Variants in ISLR2 observed in about 807,000 individuals in gnomAD.
ISLR2 encodes the protein immunoglobulin superfamily containing leucine-rich repeat protein 2.
Under a neutral mutation model 25.5 loss-of-function variants are expected in ISLR2, and 16 were observed. The ratio of observed to expected loss-of-function variants is 0.63; its 90% CI spans 0.43 to 0.95. ISLR2 has a LOEUF of 0.95. ISLR2 is among the 40% of genes least tolerant of loss of function. The probability of loss-of-function intolerance (pLI) is 0.00; values close to 1 mark genes in which losing one functional copy is unlikely to be tolerated. For synonymous variants in ISLR2, 508 were observed against 486.6 expected (o/e 1.04, Z -0.58); for missense variants, 883 against 1,030.7 (o/e 0.86, Z 1.96).
downstream of ISLR2, among the ~76,000 whole-genome samples, chr15:74,137,169 G>A (rs2072578511): frequency 6.6e-6 from 1 of 152,194 alleles, no homozygotes; most frequent in Non-Finnish European, 1.5e-5. Flanking sequence ...GTGTAGTGGG[G>A]TGTGGCTGTA....
rs1207301558 is a variant in ISLR2, at chr15:74,133,273, G to A, written c.519G>A (p.Leu173=). The change falls in exon 3 of 3, where the codon CTG becomes CTA. Residue 173 remains leucine, a synonymous_variant. Transcript: ENST00000453268. ...GCACCTTCGACGCGCTTAGCGCGCT[G>A]TCACACTTGCAACTCTATCACAATC... ...APGTFDALSA[L]SHLQLYHNPF... is the part of the protein sequence containing the mutation. 28 of 1,611,232 alleles carry A rather than the reference G, an allele frequency of 1.7e-5. No homozygotes were observed. Among genetic ancestry groups the A allele is most frequent in the Non-Finnish European group, 2.0e-5 (24 of 1,179,998 alleles).
intron 2 of ISLR2, among the ~76,000 whole-genome samples, chr15:74,110,654 C>T (rs906451923): frequency 7.9e-6 from 1 of 126,824 alleles, no homozygotes; most frequent in Non-Finnish European, 1.6e-5. Flanking sequence ...CCTGTCTCTA[C>T]TTAAAAAAAA....
Position 74,136,354 on chromosome 15 carries a change from T to G in ISLR2, c.*1362T>G, listed in dbSNP as rs2072565368. 1 of 164,982 alleles carries G rather than the reference T, an allele frequency of 6.1e-6. No individual in the cohort carries two copies. Among genetic ancestry groups the G allele is most frequent in the Admixed American group, 6.5e-5 (1 of 15,288 alleles). The allele number at this position is 164,982 out of a possible 1,614,324, so 10.2% of individuals were successfully genotyped here. Reference sequence around the variant, plus strand: ...CTCGCGCCCTAGTTCGCACAAAGCCTGCTCGTGACTGTGCGACTGTGCGAC... The same window carrying G: ...CTCGCGCCCTAGTTCGCACAAAGCCGGCTCGTGACTGTGCGACTGTGCGAC... On this transcript the variant is annotated 3_prime_UTR_variant, in exon 3 of 3. Coordinates refer to ENST00000453268, the MANE Select transcript of ISLR2 (RefSeq NM_020851.3).
upstream of ISLR2, chr15:74,128,688 C>T: frequency 2.2e-6 from 1 of 455,806 alleles, no homozygotes; most frequent in Non-Finnish European, 4.4e-6. Context: ...TTGAGCCTCC[C>T]CGCCTGGCGC....
rs1198181420 is a variant in ISLR2, at chr15:74,134,984, G to C, written c.2230G>C (p.Ala744Pro). Residue 744 changes from alanine to proline, a missense_variant, in exon 3 of 3, where the codon GCA becomes CCA. Ala to Pro is a conservative substitution (Grantham distance 27). Coordinates refer to ENST00000453268, the MANE Select transcript of ISLR2 (RefSeq NM_020851.3). ...GATTAATGGCAACTACAGGCAGACG[G>C]CAGGCTGAACCTCCGCCCGTCCGGC... ...QEINGNYRQTAG is the reference protein window; with the variant it reads ...QEINGNYRQTPG 1.2e-6 allele frequency: 2 copies of C among 1,611,882 alleles called. No homozygotes were observed. Among genetic ancestry groups the C allele is most frequent in the Non-Finnish European group, 1.7e-6 (2 of 1,179,130 alleles).
chr15:74,109,473 A>G (rs1283200426), intron 2 of ISLR2, among the ~76,000 whole-genome samples: 1 of 152,230 alleles, frequency 6.6e-6, no homozygotes, highest in Non-Finnish European at 1.5e-5. Context: ...CAGGGGCAGG[A>G]GCATTCTTGT....
At position 74,100,355 on chromosome 15, in the gene ISLR2, T is replaced by C. The variant is rs1026624631; in HGVS notation, n.45T>C. The C allele has an allele frequency of 3.3e-6, 4 of 1,211,090 alleles. No homozygotes were observed. The African/African-American group carries it at 6.4e-5, about 19-fold the overall frequency. The allele number at this position is 1,211,090 out of a possible 1,614,324, so 75.0% of individuals were successfully genotyped here. A position where few individuals can be genotyped will look rare whatever the true frequency, so the allele number is the denominator to read the frequency against. ...GGAGCGGACCGCAGCCCGCTGGAGG[T>C]GCCGGGGGCGAAATGCTGGCGTCTG... On this transcript the variant is annotated non_coding_transcript_exon_variant, in exon 1 of 4. Transcript: ENST00000561975.
At chr15:74,117,438 T>TGGGA (rs371215059) in intron 2 of ISLR2, among the ~76,000 whole-genome samples, 1 of 152,224 alleles carries the variant, frequency 6.6e-6, no homozygotes, top group East Asian at 1.9e-4. Flanking sequence ...CCCTACAATT[T>TGGGA]GGGAGGTTGC....
chr15:74,116,744 G>A (rs1402335617), intron 2 of ISLR2, among the ~76,000 whole-genome samples: 5 of 152,200 alleles, frequency 3.3e-5, no homozygotes, highest in Admixed American at 6.5e-5. Context: ...GGACAGGTGG[G>A]GAAATGTAAG....
Position 74,132,858 on chromosome 15 carries a change from C to T in ISLR2, c.104C>T (p.Ala35Val), listed in dbSNP as rs745877873. 1 of 1,614,100 alleles carries T rather than the reference C, an allele frequency of 6.2e-7. No homozygotes were observed. The highest frequency in any genetic ancestry group is 8.5e-7 in the Non-Finnish European group (1 of 1,179,954). ...GTGGACAAGTACGCTCACCAGTTCG[C>T]GGACTGCGCTTACAAAGAGTTGCGT... is the stretch of plus-strand genomic sequence containing the variant. ...ACVDKYAHQFADCAYKELREV... is the reference protein window; with the variant it reads ...ACVDKYAHQFVDCAYKELREV... The change falls in exon 3 of 3, where the codon GCG becomes GTG. Residue 35 changes from alanine (A) to valine (V), a missense_variant. Transcript: ENST00000453268. The surrounding 1 kb of genome is among the most constrained non-coding windows in gnomAD (Gnocchi z 4.3).
rs2072533822 is a variant in ISLR2, at chr15:74,134,844, C to T, written c.2090C>T (p.Ala697Val). Reference protein sequence around the residue: ...SGDLQREESLAACSLVESQSK... With the variant: ...SGDLQREESLVACSLVESQSK... ...GACCTGCAGAGAGAGGAGAGCCTGGCGGCCTGCTCACTGGTGGAGTCCCAG... is the reference window on the plus strand; with the variant it reads ...GACCTGCAGAGAGAGGAGAGCCTGGTGGCCTGCTCACTGGTGGAGTCCCAG... Residue 697 changes from alanine to valine, a missense_variant, in exon 3 of 3, where the codon GCG becomes GTG. Physicochemically the swap from Ala to Val is moderately conservative, Grantham distance 64. Coordinates refer to ENST00000453268, the MANE Select transcript of ISLR2 (RefSeq NM_020851.3). 1 of 1,614,140 alleles carries T rather than the reference C, an allele frequency of 6.2e-7. No homozygotes were observed. The highest frequency in any genetic ancestry group is 8.5e-7 in the Non-Finnish European group (1 of 1,180,024).
At position 74,133,199 on chromosome 15, in the gene ISLR2, C is replaced by T; in HGVS notation, c.445C>T (p.Leu149=). The change falls in exon 3 of 3, where the codon CTG becomes TTG. Residue 149 remains leucine, a synonymous_variant. Coordinates refer to ENST00000453268, the MANE Select transcript of ISLR2 (RefSeq NM_020851.3). The part of the protein sequence containing the change: ...PRDALGALPD[L]RSLRINNNRL... ...GGACGCACTCGGTGCGCTACCCGAC[C>T]TGCGTTCCCTGCGCATCAACAACAA... 6.2e-7 allele frequency: 1 copy of T among 1,613,144 alleles called. No individual in the cohort carries two copies. Among genetic ancestry groups the T allele is most frequent in the Non-Finnish European group, 8.5e-7 (1 of 1,180,006 alleles).
At chr15:74,140,744 C>T (rs118037289), downstream of ISLR2, among the ~76,000 whole-genome samples, 944 of 152,238 alleles carry the variant, frequency 6.2e-3, 16 homozygotes, top group East Asian at 0.054. Context: ...CTGGGCAGTT[C>T]GGAGGAAGCA....
At chr15:74,129,057 C>T (rs759719683), upstream of ISLR2, 2 of 456,528 alleles carry the variant, frequency 4.4e-6, no homozygotes, top group South Asian at 3.1e-5. This position sits in a 1 kb window ranked among gnomAD's most constrained non-coding sequence, Gnocchi z 4.5. Context: ...TTTTCGAAGA[C>T]ACCTTCCCTG....
chr15:74,108,507 C>T (rs2072140418), intron 2 of ISLR2, among the ~76,000 whole-genome samples: 1 of 152,190 alleles, frequency 6.6e-6, no homozygotes, highest in African/African-American at 2.4e-5. Context: ...TCCACGCAGC[C>T]CTCAAGAATC....
chr15:74,134,392 A>G lies in ISLR2; in HGVS notation c.1638A>G (p.Val546=). ...GGGAAVQWSR[V]EEGVNAYWFR... is the part of the protein sequence containing the mutation. ...GCGCGGCAGTGCAGTGGTCCCGCGT[A>G]GAGGAAGGCGTCAACGCCTACTGGT... The change falls in exon 3 of 3, where the codon GTA becomes GTG. Residue 546 remains valine (V), a synonymous_variant. Transcript: ENST00000453268. The G allele has an allele frequency of 2.5e-6, 4 of 1,609,848 alleles. No homozygotes were observed. Among genetic ancestry groups the G allele is most frequent in the South Asian group, 1.1e-5 (1 of 90,596 alleles).
At position 74,135,205 on chromosome 15, in the gene ISLR2, C is replaced by T; in HGVS notation, c.*213C>T. 1.6e-6 allele frequency: 1 copy of T among 616,160 alleles called. No homozygotes were observed. The highest frequency in any genetic ancestry group is 2.9e-6 in the Non-Finnish European group (1 of 342,666). The allele number at this position is 616,160 out of a possible 1,614,324, so 38.2% of individuals were successfully genotyped here. On this transcript the variant is annotated 3_prime_UTR_variant, in exon 3 of 3. Transcript: ENST00000453268. ...CCACGGCTGCCATTCTCCCTGCGGG[C>T]TGAATCCCCTTCCCCGCCAAGCACA...
chr15:74,134,387 C>A lies in ISLR2; in HGVS notation c.1633C>A (p.Arg545Ser). ...AGGGAAVQWSRVEEGVNAYWF... is the reference protein window; with the variant it reads ...AGGGAAVQWSSVEEGVNAYWF... ...GGGCGGCGCGGCAGTGCAGTGGTCCCGCGTAGAGGAAGGCGTCAACGCCTA... is the reference window on the plus strand; with the variant it reads ...GGGCGGCGCGGCAGTGCAGTGGTCCAGCGTAGAGGAAGGCGTCAACGCCTA... Residue 545 changes from arginine to serine, a missense_variant, in exon 3 of 3, where the codon CGC (arginine) becomes AGC (serine). This residue lies in a region of ISLR2 where 612 missense variants were observed against 642.8 expected (regional missense o/e 0.95). Transcript: ENST00000453268. 1 of 1,608,562 alleles carries A rather than the reference C, an allele frequency of 6.2e-7. No individual in the cohort carries two copies. Among genetic ancestry groups the A allele is most frequent in the East Asian group, 2.2e-5 (1 of 44,688 alleles).
chr15:74,118,697 A>G (rs2072230190), intron 2 of ISLR2, among the ~76,000 whole-genome samples: 1 of 151,468 alleles, frequency 6.6e-6, no homozygotes, highest in Non-Finnish European at 1.5e-5. Context: ...TCACTCTGTC[A>G]CCCAGGCTGG....
Sources: allele counts gnomAD v4.1 joint callset (sites outside exome capture counted in the v4.1 genomes callset), GRCh38; gene constraint gnomAD v4.1.1; regional missense constraint gnomAD v4.1.1; non-coding constraint Gnocchi (gnomAD v3.1); transcripts MANE v1.5; gene names NCBI Gene and HGNC (gene_info 2026-07-23, HGNC 2026-07-21).